CNTNAP2: variants seen among roughly 807,000 people sequenced by gnomAD.
CNTNAP2 encodes the protein contactin associated protein 2, also known as contactin-associated protein-like 2.
Under a neutral mutation model 155.2 loss-of-function variants are expected in CNTNAP2, and 98 were observed. The ratio of observed to expected loss-of-function variants is 0.63; its 90% CI spans 0.54 to 0.75. The LOEUF (loss-of-function observed/expected upper bound fraction) is 0.75, where lower values mean the gene tolerates loss of function less well. Ranked by LOEUF, CNTNAP2 falls within the 30% of genes least tolerant of loss-of-function variation. The pLI, the probability that CNTNAP2 is intolerant of heterozygous loss-of-function variation, is 0.00. For missense variants in CNTNAP2, 1,727 were observed against 1,688.1 expected, an observed-to-expected ratio of 1.02 and a Z score of -0.40; for synonymous variants, 651 against 631.2, an observed-to-expected ratio of 1.03 and a Z score of -0.47.
intron 3 of CNTNAP2, among the ~76,000 whole-genome samples, chr7:146,960,942 C>T (rs1563021891): frequency 6.6e-6 from 1 of 152,178 alleles, no homozygotes. Flanking sequence ...TTAGCTACTC[C>T]TTTGCTACTC....
At chr7:147,513,216 TA>T (rs1799052292) in intron 11 of CNTNAP2, among the ~76,000 whole-genome samples, 1 of 152,182 alleles carries the variant, frequency 6.6e-6, no homozygotes, top group Admixed American at 6.5e-5. Flanking sequence ...TAAAGAGGAA[TA>T]AAAGACCAGA....
chr7:148,406,955 T>C (rs1003382122), intron 22 of CNTNAP2, among the ~76,000 whole-genome samples: 3 of 149,872 alleles, frequency 2.0e-5, no homozygotes, highest in Non-Finnish European at 4.4e-5. Context: ...ACAGACCATG[T>C]CGGACCAAGA....
chr7:146,918,630 A>T (rs916392744), intron 3 of CNTNAP2, among the ~76,000 whole-genome samples: 1 of 152,098 alleles, frequency 6.6e-6, no homozygotes, highest in East Asian at 1.9e-4. Flanking sequence ...TTTATCTTGA[A>T]TTTAGATAAC....
At chr7:146,696,126 T>C (rs948240239) in intron 1 of CNTNAP2, among the ~76,000 whole-genome samples, 1 of 152,198 alleles carries the variant, frequency 6.6e-6, no homozygotes, top group African/African-American at 2.4e-5. Context: ...AAATTCTTCC[T>C]TGGGAGTTTG....
At chr7:146,654,423 C>T (rs771341388) in intron 1 of CNTNAP2, among the ~76,000 whole-genome samples, 1 of 152,016 alleles carries the variant, frequency 6.6e-6, no homozygotes, top group Non-Finnish European at 1.5e-5. Flanking sequence ...CTAGAATGTG[C>T]CTTTCTATTG....
At chr7:147,155,307 A>G (rs1170191063) in intron 8 of CNTNAP2, among the ~76,000 whole-genome samples, 2 of 152,166 alleles carry the variant, frequency 1.3e-5, no homozygotes, top group Non-Finnish European at 2.9e-5. Flanking sequence ...CAGTGCCTTG[A>G]TCTGGACTTC....
intron 14 of CNTNAP2, among the ~76,000 whole-genome samples, chr7:147,943,552 A>G (rs1371384785): frequency 1.3e-5 from 2 of 151,938 alleles, no homozygotes; most frequent in Non-Finnish European, 2.9e-5. Context: ...GCAGATCACT[A>G]GAGGCCAGGA....
chr7:146,361,720 T>G (rs753160468), intron 1 of CNTNAP2, among the ~76,000 whole-genome samples: 6 of 152,200 alleles, frequency 3.9e-5, no homozygotes, highest in Non-Finnish European at 7.3e-5. Flanking sequence ...TTTCATCTGA[T>G]TGGCAAGCTA....
At chr7:148,128,735 A>G (rs1456765556) in intron 16 of CNTNAP2, among the ~76,000 whole-genome samples, 2 of 152,148 alleles carry the variant, frequency 1.3e-5, no homozygotes, top group Non-Finnish European at 2.9e-5. Flanking sequence ...TGGTCCACTC[A>G]TGTCCTGATC....
At chr7:146,165,734 T>G (rs531516377) in intron 1 of CNTNAP2, among the ~76,000 whole-genome samples, 7 of 152,288 alleles carry the variant, frequency 4.6e-5, no homozygotes, top group African/African-American at 1.7e-4. Flanking sequence ...CATAAAAACT[T>G]TATGTGAGAT....
intron 18 of CNTNAP2, among the ~76,000 whole-genome samples, chr7:148,206,742 GCC>G (rs1795456915): frequency 6.6e-6 from 1 of 152,186 alleles, no homozygotes; most frequent in African/African-American, 2.4e-5. Flanking sequence ...CAAAAACATA[GCC>G]TAGGTTGGGA....
chr7:148,384,152 C>T (rs1366365468), intron 22 of CNTNAP2, among the ~76,000 whole-genome samples: 4 of 152,208 alleles, frequency 2.6e-5, no homozygotes, highest in Non-Finnish European at 5.9e-5. Flanking sequence ...CTTGCCTAAA[C>T]TGATGTCTGC....
At chr7:147,762,441 G>A (rs920017858) in intron 13 of CNTNAP2, among the ~76,000 whole-genome samples, 2 of 152,014 alleles carry the variant, frequency 1.3e-5, no homozygotes, top group Non-Finnish European at 2.9e-5. Context: ...GAGTTCAGTT[G>A]TAAGCCTACT....
chr7:146,375,748 G>A (rs1404844724), intron 1 of CNTNAP2, among the ~76,000 whole-genome samples: 1 of 152,142 alleles, frequency 6.6e-6, no homozygotes, highest in African/African-American at 2.4e-5. Flanking sequence ...TGATTTTGTA[G>A]ATGTAGATTC....
At chr7:146,925,152 C>T (rs1011861043) in intron 3 of CNTNAP2, among the ~76,000 whole-genome samples, 1 of 152,036 alleles carries the variant, frequency 6.6e-6, no homozygotes, top group Non-Finnish European at 1.5e-5. Flanking sequence ...ATATTGACTT[C>T]TCTTACATTT....
chr7:148,213,324 A>G (rs1295679960), intron 18 of CNTNAP2, among the ~76,000 whole-genome samples: 1 of 151,890 alleles, frequency 6.6e-6, no homozygotes, highest in Admixed American at 6.6e-5. Context: ...ATGCTCTCTG[A>G]CTCCAGTTCT....
At chr7:147,792,305 G>A (rs1032693191) in intron 13 of CNTNAP2, among the ~76,000 whole-genome samples, 1 of 152,034 alleles carries the variant, frequency 6.6e-6, no homozygotes, top group African/African-American at 2.4e-5. Context: ...TTCAGTAACC[G>A]AAAAGAAACC....
intron 18 of CNTNAP2, among the ~76,000 whole-genome samples, chr7:148,207,169 T>C (rs763692248): frequency 6.6e-6 from 1 of 152,236 alleles, no homozygotes; most frequent in Non-Finnish European, 1.5e-5. Flanking sequence ...TTATACTTGT[T>C]GGAATAAAGT....
At chr7:147,917,347 A>T (rs1800178577) in intron 14 of CNTNAP2, among the ~76,000 whole-genome samples, 1 of 152,216 alleles carries the variant, frequency 6.6e-6, no homozygotes, top group Non-Finnish European at 1.5e-5. Flanking sequence ...ACAGAAAAAT[A>T]ACTAAACAAG....
Sources: gnomAD v4.1 joint callset for allele counts (sites outside exome capture counted in the v4.1 genomes callset) on GRCh38, gnomAD v4.1.1 for gene constraint, MANE v1.5 for transcripts, NCBI Gene and HGNC (gene_info 2026-07-23, HGNC 2026-07-21) for gene names.